SMARCC1: variants seen among roughly 807,000 people sequenced by gnomAD.
The protein encoded by SMARCC1 is SWI/SNF related BAF chromatin remodeling complex subunit C1, also known as SWI/SNF complex subunit SMARCC1.
Under a neutral mutation model 147.4 loss-of-function variants are expected in SMARCC1, and 43 were observed. The observed-to-expected ratio is 0.29, with a 90% confidence interval of 0.23 to 0.38. SMARCC1 has a LOEUF of 0.38. Ranked by LOEUF, SMARCC1 falls within the 10% of genes least tolerant of loss-of-function variation. SMARCC1 has a pLI of 1.00. For missense variants in SMARCC1, 1,119 were observed against 1,381.1 expected (o/e 0.81, Z 3.01); for synonymous variants, 495 against 484.4 (o/e 1.02, Z -0.29).
chr3:47,599,274 T>C (rs1469086722), intron 26 of SMARCC1, among the ~76,000 whole-genome samples: 1 of 152,024 alleles, frequency 6.6e-6, no homozygotes, highest in South Asian at 2.1e-4. Context: ...TACCAGCTAC[T>C]TGGGAAGCTG....
intron 17 of SMARCC1, 72 bp from the exon 18 acceptor site, chr3:47,675,660 T>C (rs1352942479): frequency 2.4e-6 from 2 of 848,486 alleles, no homozygotes; most frequent in East Asian, 5.3e-5. Flanking sequence ...TTTAAAAATT[T>C]GTTTGGGCCA....
Position 47,754,737 on chromosome 3 carries a change from T to C in SMARCC1, c.316-8744A>G, listed in dbSNP as rs138060550. Among the ~76,000 whole-genome samples, 4 of 152,254 alleles carry C rather than the reference T, an allele frequency of 2.6e-5. No homozygotes were observed. The East Asian group carries it at 7.7e-4, about 29-fold the overall frequency. ...CAACTAAAAGTCAAAGTGGTAATCA[T>C]GCGAGGTAAAAAATACAACCCTAGG... is the stretch of plus-strand genomic sequence containing the variant. On this transcript the variant is annotated intron_variant, in intron 2 of 27. Transcript: ENST00000254480.
intron 21 of SMARCC1, among the ~76,000 whole-genome samples, chr3:47,646,566 G>A (rs548493794): frequency 1.3e-5 from 2 of 152,350 alleles, no homozygotes; most frequent in African/African-American, 4.8e-5. Flanking sequence ...TTTCCTAACA[G>A]GCTGAAATAA....
At chr3:47,689,061 C>A (rs2033762282) in intron 13 of SMARCC1, among the ~76,000 whole-genome samples, 1 of 151,802 alleles carries the variant, frequency 6.6e-6, no homozygotes, top group East Asian at 1.9e-4. Context: ...ATAAAAAAAT[C>A]AGTTGGGTGT....
intron 3 of SMARCC1, among the ~76,000 whole-genome samples, chr3:47,743,180 T>C (rs2034527588): frequency 6.6e-6 from 1 of 152,184 alleles, no homozygotes; most frequent in Non-Finnish European, 1.5e-5. Flanking sequence ...GGGGCAAGAA[T>C]GACAGGTCAG....
intron 25 of SMARCC1, among the ~76,000 whole-genome samples, chr3:47,612,734 T>A (rs958765227): frequency 6.6e-6 from 1 of 151,666 alleles, no homozygotes; most frequent in African/African-American, 2.4e-5. Flanking sequence ...GAAGGTAATT[T>A]AAAAAAAGTA....
chr3:47,745,644 C>T (rs779497442), intron 3 of SMARCC1, among the ~76,000 whole-genome samples: 11 of 152,198 alleles, frequency 7.2e-5, no homozygotes, highest in South Asian at 4.1e-4. Context: ...ATCTGATGCG[C>T]GGGATGCAGT....
At position 47,662,370 on chromosome 3, in the gene SMARCC1, G is replaced by A. The variant is rs1302941032; in HGVS notation, c.2122C>T (p.Pro708Ser). The A allele has an allele frequency of 6.2e-7, 1 of 1,614,066 alleles. No individual in the cohort carries two copies. The highest frequency in any genetic ancestry group is 2.2e-5 in the East Asian group (1 of 44,884). Reference sequence around the variant, plus strand: ...TTTGCTGCAGCAGATGCCACGCGAGGGTCCACCACAGATGCCAAAAAAGCA... The same window carrying A: ...TTTGCTGCAGCAGATGCCACGCGAGAGTCCACCACAGATGCCAAAAAAGCA... Reference protein sequence around the residue: ...TVAFLASVVDPRVASAAAKAA... With the variant: ...TVAFLASVVDSRVASAAAKAA... The change falls in exon 20 of 28, where the codon CCT becomes TCT. Residue 708 changes from proline (P) to serine (S), a missense_variant. By Grantham distance (74) the Pro-to-Ser change is moderately conservative. Around this residue, in one of 6 missense-constraint regions of SMARCC1, gnomAD observed 178 missense variants for 264.6 expected, o/e 0.67. Coordinates refer to ENST00000254480, the MANE Select transcript of SMARCC1 (RefSeq NM_003074.4).
At chr3:47,774,964 C>G (rs186614656) in intron 1 of SMARCC1, among the ~76,000 whole-genome samples, 1 of 151,996 alleles carries the variant, frequency 6.6e-6, no homozygotes, top group Non-Finnish European at 1.5e-5. Context: ...GCCAACACAT[C>G]TGGCTGATTT....
At chr3:47,660,787 G>C in intron 21 of SMARCC1, among the ~76,000 whole-genome samples, 1 of 152,128 alleles carries the variant, frequency 6.6e-6, no homozygotes, top group East Asian at 1.9e-4. Flanking sequence ...TGAGGAAAAT[G>C]TTCTGGAATT....
At chr3:47,687,937 CAT>C (rs1384049766) in intron 13 of SMARCC1, among the ~76,000 whole-genome samples, 2 of 152,146 alleles carry the variant, frequency 1.3e-5, no homozygotes, top group Non-Finnish European at 2.9e-5. Context: ...TAAATAATGA[CAT>C]ATTTTTGCAC....
chr3:47,629,437 T>A, intron 24 of SMARCC1, among the ~76,000 whole-genome samples: 1 of 152,196 alleles, frequency 6.6e-6, no homozygotes, highest in Non-Finnish European at 1.5e-5. Flanking sequence ...AGGTGGCACA[T>A]CTTCTACCTT....
chr3:47,743,745 A>T (rs1440681281), intron 3 of SMARCC1, among the ~76,000 whole-genome samples: 1 of 151,138 alleles, frequency 6.6e-6, no homozygotes, highest in Non-Finnish European at 1.5e-5. Context: ...CCTGGGAGGT[A>T]GAGGTTGCAG....
At chr3:47,635,956 A>T in intron 23 of SMARCC1, 66 bp downstream of exon 23, 2 of 763,568 alleles carry the variant, frequency 2.6e-6, no homozygotes, top group Non-Finnish European at 4.4e-6. Context: ...TATATAAACC[A>T]CCTTCATTTC....
chr3:47,761,662 T>A (rs552662656), intron 2 of SMARCC1, among the ~76,000 whole-genome samples: 1 of 152,318 alleles, frequency 6.6e-6, no homozygotes, highest in South Asian at 2.1e-4. Context: ...CCAAGACCTA[T>A]ATGCTAATCT....
At chr3:47,686,015 G>A in intron 14 of SMARCC1, 34 bp downstream of exon 14, 1 of 1,605,506 alleles carries the variant, frequency 6.2e-7, no homozygotes, top group Non-Finnish European at 8.5e-7. Context: ...GTACTGCTCA[G>A]TACCATGCTC....
chr3:47,710,357 T>A (rs1364658193), intron 9 of SMARCC1, among the ~76,000 whole-genome samples: 3 of 152,032 alleles, frequency 2.0e-5, no homozygotes, highest in Non-Finnish European at 2.9e-5. Context: ...GAGTTTTGCA[T>A]AGGAAAACCA....
chr3:47,653,830 G>T (rs1003502040), intron 21 of SMARCC1, among the ~76,000 whole-genome samples: 1 of 152,200 alleles, frequency 6.6e-6, no homozygotes, highest in South Asian at 2.1e-4. Context: ...CTTGAAAGAA[G>T]TTAACTGGGA....
intron 14 of SMARCC1, among the ~76,000 whole-genome samples, chr3:47,683,224 T>G (rs1432411039): frequency 6.6e-6 from 1 of 151,966 alleles, no homozygotes; most frequent in Non-Finnish European, 1.5e-5. Context: ...TTTTTCGTAT[T>G]TTTAGCAGAG....
Sources: gnomAD v4.1 joint callset for allele counts (sites outside exome capture counted in the v4.1 genomes callset) on GRCh38, gnomAD v4.1.1 for gene constraint, gnomAD v4.1.1 regional missense constraint, MANE v1.5 for transcripts, NCBI Gene and HGNC (gene_info 2026-07-23, HGNC 2026-07-21) for gene names.